The following FAM133B variants were observed in gnomAD, a reference collection of about 807,000 sequenced individuals.
FAM133B encodes the protein protein FAM133B.
In FAM133B, 25 loss-of-function variants were observed where a neutral mutation model predicts 46.4. The ratio of observed to expected loss-of-function variants is 0.54; its 90% CI spans 0.39 to 0.75. FAM133B has a LOEUF of 0.75. FAM133B is among the 30% of genes least tolerant of loss of function. FAM133B has a pLI of 0.00. For missense variants in FAM133B, 205 were observed against 277.6 expected, an observed-to-expected ratio of 0.74 and a Z score of 1.86; for synonymous variants, 75 against 86.0, an observed-to-expected ratio of 0.87 and a Z score of 0.71.
In FAM133B at chr7:92,587,225, G is replaced by C. The variant is rs1418380589; in HGVS notation, c.24+3043C>G. On this transcript the variant is annotated intron_variant, in intron 1 of 10. Coordinates refer to ENST00000445716, the MANE Select transcript of FAM133B (RefSeq NM_152789.4). ...GCAATCCTATCATCTTTAAAACTAT[G>C]ATTGTTTCATCAATGTAAGAAAGAA... is the stretch of plus-strand genomic sequence containing the variant. Among the ~76,000 whole-genome samples, 6 of 152,164 alleles carry C rather than the reference G, an allele frequency of 3.9e-5. No homozygotes were observed. In the East Asian group the frequency reaches 1.2e-3, roughly 29 times the overall value.
At chr7:92,562,486 A>T in intron 10 of FAM133B, 118 bp from the exon 11 acceptor site, 1 of 1,347,938 alleles carries the variant, frequency 7.4e-7, no homozygotes, top group South Asian at 1.6e-5. Context: ...CAAGAAAACT[A>T]CTCAAAACAT....
rs1383580765 is a variant in FAM133B at position 92,579,394 on chromosome 7, C to T, written c.124G>A (p.Glu42Lys). The change falls in exon 3 of 11, where the codon GAA becomes AAA. Residue 42 changes from glutamate (E) to lysine (K), a missense_variant and splice_region_variant. Glu to Lys is a moderately conservative substitution (Grantham distance 56). Transcript: ENST00000445716. ...DYLNRPRPTW[E>K]EVKEQLEKKK... is the part of the protein sequence containing the mutation. Reference sequence around the variant, plus strand: ...TTTTCTAGTTGCTCTTTTACTTCTTCCCTTAAAAAATAGAATGTACAAACA... The same window carrying T: ...TTTTCTAGTTGCTCTTTTACTTCTTTCCTTAAAAAATAGAATGTACAAACA... 5.0e-6 allele frequency: 8 copies of T among 1,598,488 alleles called. No homozygotes were observed. Among genetic ancestry groups the T allele is most frequent in the Non-Finnish European group, 6.8e-6 (8 of 1,173,202 alleles).
chr7:92,573,048 A>G (rs1373111963), intron 8 of FAM133B, among the ~76,000 whole-genome samples: 1 of 151,954 alleles, frequency 6.6e-6, no homozygotes, highest in African/African-American at 2.4e-5. Context: ...GAAACTCAAT[A>G]TTCTGTTATT....
chr7:92,586,083 A>C lies in FAM133B; in HGVS notation c.24+4185T>G, dbSNP rs1045311129. Reference sequence around the variant, plus strand: ...CTATCAAACTGCTTTCATAAAGTACATACCAACCTATTCCTACTTTTCAGA... The same window carrying C: ...CTATCAAACTGCTTTCATAAAGTACCTACCAACCTATTCCTACTTTTCAGA... On this transcript the variant is annotated intron_variant, in intron 1 of 10. Transcript: ENST00000445716. 4.6e-5 allele frequency among the ~76,000 whole-genome samples: 7 copies of C among 152,238 alleles called. No homozygotes were observed. In the East Asian group the frequency reaches 9.6e-4, roughly 21 times the overall value.
chr7:92,564,502 C>T (rs748045688), intron 10 of FAM133B, among the ~76,000 whole-genome samples: 2 of 152,168 alleles, frequency 1.3e-5, no homozygotes, highest in Admixed American at 6.5e-5. Context: ...GCTATCTTCA[C>T]CCAAACTACT....
At chr7:92,567,991 C>G (rs1230023694) in intron 9 of FAM133B, among the ~76,000 whole-genome samples, 1 of 152,018 alleles carries the variant, frequency 6.6e-6, no homozygotes. Flanking sequence ...CTTTAACTCC[C>G]GACCTCAGGT....
chr7:92,590,296 C>G lies in FAM133B; in HGVS notation c.-5G>C, dbSNP rs375436056. ...CCGATTGTCCCGCTTCCCCATGGTG[C>G]TGGATCGAGCGCACAGTAGCACGCC... On this transcript the variant is annotated 5_prime_UTR_variant, in exon 1 of 11. Transcript: ENST00000445716. 8 of 1,613,852 alleles carry G rather than the reference C, an allele frequency of 5.0e-6. No homozygotes were observed. The highest frequency in any genetic ancestry group is 1.7e-5 in the Admixed American group (1 of 60,030).
chr7:92,578,889 TA>T (rs201582213), intron 3 of FAM133B, among the ~76,000 whole-genome samples: 13 of 149,168 alleles, frequency 8.7e-5, no homozygotes, highest in South Asian at 2.1e-4. Context: ...CTACTAAAGA[TA>T]AAAAAAAAAT....
intron 1 of FAM133B, chr7:92,589,792 G>A (rs925490389): frequency 1.3e-5 from 2 of 157,618 alleles, no homozygotes; most frequent in Non-Finnish European, 2.8e-5. Context: ...CTGGCTCTCC[G>A]GCACAGGGAC....
In FAM133B at chr7:92,561,539, CATT is replaced by C. The variant is rs1312418516; in HGVS notation, c.*740_*742del. 5.9e-5 allele frequency: 9 copies of C among 152,338 alleles called. No homozygotes were observed. Among genetic ancestry groups the C allele is most frequent in the Non-Finnish European group, 1.0e-4 (7 of 68,018 alleles). 9.4% of individuals were successfully genotyped at this position (152,338 alleles called of 1,614,324 possible). On this transcript the variant is annotated 3_prime_UTR_variant, in exon 11 of 11. Transcript: ENST00000445716. ...ACACATTCTAATGCTAAAAAATATT[CATT>C]ATTACTAAAGTGGAGGTAAATCCCA...
In FAM133B at chr7:92,590,342, G is replaced by A. The variant is rs1043027363; in HGVS notation, c.-51C>T. The A allele has an allele frequency of 8.7e-6, 14 of 1,611,274 alleles. No homozygotes were observed. The highest frequency in any genetic ancestry group is 1.1e-5 in the Non-Finnish European group (13 of 1,179,114). ...ACGCCGAGGGAAACCGGGCCGGAGA[G>A]ACTGCCGAAGAGGGCCTGCCGCAGG... On this transcript the variant is annotated 5_prime_UTR_variant, in exon 1 of 11. Coordinates refer to ENST00000445716, the MANE Select transcript of FAM133B (RefSeq NM_152789.4).
intron 8 of FAM133B, among the ~76,000 whole-genome samples, chr7:92,572,807 A>G (rs924607992): frequency 2.6e-5 from 4 of 152,216 alleles, no homozygotes; most frequent in Non-Finnish European, 4.4e-5. Flanking sequence ...TTACTGAAAA[A>G]TTAAAACAAT....
chr7:92,577,031 A>T, intron 7 of FAM133B, 72 bp downstream of exon 7: 1 of 880,794 alleles, frequency 1.1e-6, no homozygotes, highest in Non-Finnish European at 1.6e-6. Context: ...TTTTAAATTG[A>T]GAGCAACTTT....
chr7:92,573,742 CCTT>C (rs1232226161), intron 8 of FAM133B, among the ~76,000 whole-genome samples: 1 of 151,806 alleles, frequency 6.6e-6, no homozygotes, highest in Non-Finnish European at 1.5e-5. Flanking sequence ...TATATCACAT[CCTT>C]CTGACAACTA....
At chr7:92,566,820 G>A (rs1266589348) in intron 9 of FAM133B, among the ~76,000 whole-genome samples, 2 of 152,246 alleles carry the variant, frequency 1.3e-5, no homozygotes, top group African/African-American at 4.8e-5. Context: ...TATATTCAGT[G>A]TAGTTAGTAT....
chr7:92,589,100 ATTG>A (rs1476096297), intron 1 of FAM133B, among the ~76,000 whole-genome samples: 4 of 152,370 alleles, frequency 2.6e-5, no homozygotes. Context: ...CTTGCAAATA[ATTG>A]TTGAATAAAA....
chr7:92,574,159 A>G (rs1258420121), intron 8 of FAM133B, among the ~76,000 whole-genome samples: 1 of 152,260 alleles, frequency 6.6e-6, no homozygotes, highest in East Asian at 1.9e-4. Flanking sequence ...CAATAGCCAA[A>G]TGGTAGAAAC....
chr7:92,563,390 A>G (rs1250796505), intron 10 of FAM133B, among the ~76,000 whole-genome samples: 1 of 152,212 alleles, frequency 6.6e-6, no homozygotes, highest in Non-Finnish European at 1.5e-5. Flanking sequence ...GCTTTTTCAT[A>G]AAAGGACAGC....
chr7:92,570,165 T>C (rs527840635), intron 8 of FAM133B, among the ~76,000 whole-genome samples: 5 of 152,290 alleles, frequency 3.3e-5, no homozygotes, highest in East Asian at 3.9e-4. Context: ...TTATACAGAA[T>C]AGACTTTATA....
Sources: allele counts gnomAD v4.1 joint callset (sites outside exome capture counted in the v4.1 genomes callset), GRCh38; gene constraint gnomAD v4.1.1; transcripts MANE v1.5; gene names NCBI Gene and HGNC (gene_info 2026-07-23, HGNC 2026-07-21).